Variants in ZMYM2 observed in about 807,000 individuals in gnomAD.
ZMYM2 encodes zinc finger MYM-type protein 2.
Under a neutral mutation model 162.8 loss-of-function variants are expected in ZMYM2, and 56 were observed. The observed-to-expected ratio is 0.34, with a 90% CI of 0.28 to 0.43. The LOEUF (loss-of-function observed/expected upper bound fraction) is 0.43. Among genes scored for constraint, ZMYM2 ranks in the 20% least tolerant of loss-of-function variants. The pLI is 1.00. For missense variants in ZMYM2, 1,275 were observed against 1,621.8 expected (o/e 0.79, Z 3.67); for synonymous variants, 510 against 541.6 (o/e 0.94, Z 0.81).
At position 20,039,739 on chromosome 13, in the gene ZMYM2, G is replaced by A. The variant is rs1954065294; in HGVS notation, c.2292+2830G>A. On this transcript the variant is annotated intron_variant, in intron 12 of 24. Transcript: ENST00000610343. ...GATCTGCCCATCTCAGCCTCCTAAAGTGCTGGGATTACAGGCGTGAGCCAC... is the reference window on the plus strand; with the variant it reads ...GATCTGCCCATCTCAGCCTCCTAAAATGCTGGGATTACAGGCGTGAGCCAC... Among the ~76,000 whole-genome samples, 2 of 152,162 alleles carry A rather than the reference G, an allele frequency of 1.3e-5. 1 individual carries two copies. The highest frequency in any genetic ancestry group is 2.9e-5 in the Non-Finnish European group (2 of 68,016).
At chr13:20,052,231 G>A (rs1955424024) in intron 13 of ZMYM2, 46 bp from the exon 14 acceptor site, 1 of 1,460,896 alleles carries the variant, frequency 6.8e-7, no homozygotes, top group Admixed American at 2.1e-5. Flanking sequence ...AGAACATTCT[G>A]AAGAAAGAGT....
Position 19,993,709 on chromosome 13 carries a change from A to G in ZMYM2, c.637A>G (p.Met213Val). 6.2e-7 allele frequency: 1 copy of G among 1,614,038 alleles called. No individual in the cohort carries two copies. The highest frequency in any genetic ancestry group is 1.1e-5 in the South Asian group (1 of 91,082). ...ENTDGRDMNL[M>V]ITHVTSLQNT... ...TACTGACGGGCGAGATATGAACTTA[A>G]TGATTACACATGTAACATCACTGCA... The change falls in exon 3 of 25, where the codon ATG becomes GTG. Residue 213 changes from methionine to valine, a missense_variant. Coordinates refer to ENST00000610343, the MANE Select transcript of ZMYM2 (RefSeq NM_197968.4).
intron 2 of ZMYM2, among the ~76,000 whole-genome samples, chr13:19,980,450 T>C (rs1334461659): frequency 2.0e-5 from 3 of 152,064 alleles, no homozygotes; most frequent in African/African-American, 7.2e-5. Context: ...CTCATCTCTT[T>C]TTAGAATTTT....
chr13:19,886,242 G>A, the ZMYM2 span, among the ~76,000 whole-genome samples: 3 of 133,044 alleles, frequency 2.3e-5, no homozygotes, highest in South Asian at 2.4e-4. Flanking sequence ...TCGGCTCATC[G>A]CAACTTCCGC....
chr13:20,083,963 G>A (rs188726163), intron 24 of ZMYM2, among the ~76,000 whole-genome samples, 187 bp downstream of exon 24: 19 of 152,270 alleles, frequency 1.2e-4, no homozygotes, highest in African/African-American at 4.3e-4. Context: ...CATACTTAGA[G>A]TTTAAGCATG....
At chr13:19,886,410 G>T in the ZMYM2 span, among the ~76,000 whole-genome samples, 1 of 151,584 alleles carries the variant, frequency 6.6e-6, no homozygotes. Flanking sequence ...TGATCTGCCT[G>T]CCTCGGCCTC....
chr13:20,060,905 G>T (rs1242927596), intron 16 of ZMYM2, 148 bp from the exon 17 acceptor site: 5 of 743,810 alleles, frequency 6.7e-6, no homozygotes, highest in Non-Finnish European at 1.1e-5. Flanking sequence ...TCTTATCACA[G>T]TTAACATCTT....
At chr13:20,045,514 G>C (rs887906064) in intron 12 of ZMYM2, among the ~76,000 whole-genome samples, 3 of 152,170 alleles carry the variant, frequency 2.0e-5, no homozygotes, top group African/African-American at 7.2e-5. Flanking sequence ...TTTTGTTTAT[G>C]GATATTAGTG....
chr13:19,969,724 T>G (rs1255224931), intron 2 of ZMYM2, among the ~76,000 whole-genome samples: 1 of 152,194 alleles, frequency 6.6e-6, no homozygotes, highest in Non-Finnish European at 1.5e-5. Flanking sequence ...AAAAAGCTAT[T>G]GAATTGTAAG....
intron 2 of ZMYM2, among the ~76,000 whole-genome samples, chr13:19,971,262 A>ATATTTTTTTTT (rs1329532735): frequency 1.3e-5 from 1 of 78,330 alleles, no homozygotes; most frequent in African/African-American, 4.6e-5. Flanking sequence ...ATATATATAT[A>ATATTTTTTTTT]TTTTTTTTTT....
chr13:19,885,636 T>C, the ZMYM2 span, among the ~76,000 whole-genome samples: 1 of 152,028 alleles, frequency 6.6e-6, no homozygotes, highest in African/African-American at 2.4e-5. Context: ...GGTCAGGAGT[T>C]CGAAAGAGTC....
rs190665586 is a variant in ZMYM2, at chr13:20,035,222, C to G, written c.2119+818C>G. 1.1e-4 allele frequency among the ~76,000 whole-genome samples: 17 copies of G among 152,252 alleles called. No homozygotes were observed. The East Asian group carries it at 3.3e-3, about 29-fold the overall frequency. On this transcript the variant is annotated intron_variant, in intron 11 of 24. Transcript: ENST00000610343. Reference sequence around the variant, plus strand: ...TGGAGTAAGAGAAAGGTGGGAAAATCCTAAATGTCAGCAGTAGAGAATGAC... The same window carrying G: ...TGGAGTAAGAGAAAGGTGGGAAAATGCTAAATGTCAGCAGTAGAGAATGAC...
chr13:19,953,870 A>G (rs537210121), upstream of ZMYM2, among the ~76,000 whole-genome samples: 9 of 151,628 alleles, frequency 5.9e-5, no homozygotes, highest in Non-Finnish European at 1.3e-4. Context: ...TGTTGCAACT[A>G]TTATTTATTT....
Position 20,054,586 on chromosome 13 carries a change from G to A in ZMYM2, c.2493+2275G>A, listed in dbSNP as rs1955636508. On this transcript the variant is annotated intron_variant, in intron 14 of 24. Transcript: ENST00000610343. ...TTGTCATTATAATTTTTATTCTTTT[G>A]GGTCCTACTTCAGCATACACAGATA... Among the ~76,000 whole-genome samples the A allele has an allele frequency of 2.0e-5, 3 of 152,012 alleles. No homozygotes were observed. In the South Asian group the frequency reaches 6.2e-4, roughly 31 times the overall value.
chr13:20,026,567 T>G (rs1952601085), intron 7 of ZMYM2, 45 bp from the exon 8 acceptor site: 1 of 1,533,846 alleles, frequency 6.5e-7, no homozygotes, highest in African/African-American at 1.4e-5. Context: ...CTTTTCTAGT[T>G]AAGTTGTAGT....
chr13:19,884,057 C>A, the ZMYM2 span, among the ~76,000 whole-genome samples: 1 of 152,112 alleles, frequency 6.6e-6, no homozygotes, highest in Non-Finnish European at 1.5e-5. Context: ...CGGGCGTGGC[C>A]TATATATAAA....
chr13:19,948,221 T>C, the ZMYM2 span, among the ~76,000 whole-genome samples: 12 of 152,154 alleles, frequency 7.9e-5, no homozygotes, highest in Non-Finnish European at 1.3e-4. Context: ...ACTCCTACCA[T>C]ATGATCCAGT....
chr13:20,032,704 G>A (rs548124444), intron 10 of ZMYM2, among the ~76,000 whole-genome samples: 1 of 144,954 alleles, frequency 6.9e-6, no homozygotes, highest in African/African-American at 2.7e-5. Context: ...CACCTCCCAG[G>A]TTCAAGCGAT....
chr13:20,017,169 G>A (rs578027701), intron 6 of ZMYM2, among the ~76,000 whole-genome samples: 92 of 152,212 alleles, frequency 6.0e-4, no homozygotes, highest in Non-Finnish European at 1.1e-3. Flanking sequence ...CAGTGGGGTG[G>A]AAGTTCAAGT....
Sources: gnomAD v4.1 joint callset for allele counts (sites outside exome capture counted in the v4.1 genomes callset) on GRCh38, gnomAD v4.1.1 for gene constraint, MANE v1.5 for transcripts, NCBI Gene and HGNC (gene_info 2026-07-23, HGNC 2026-07-21) for gene names.